Variants in DPYD observed in about 807,000 individuals in gnomAD.
The protein encoded by DPYD is dihydropyrimidine dehydrogenase.
In DPYD, 109 loss-of-function variants were observed where a neutral mutation model predicts 116.2. That is an observed-to-expected ratio of 0.94 (90% CI 0.80 to 1.10). DPYD has a LOEUF of 1.10. Ranked by LOEUF, DPYD falls within the 50% of genes least tolerant of loss-of-function variation. The pLI is 0.00. For missense variants in DPYD, 1,302 were observed against 1,254.5 expected, an observed-to-expected ratio of 1.04 and a Z score of -0.57; for synonymous variants, 440 against 432.0, an observed-to-expected ratio of 1.02 and a Z score of -0.23.
intron 16 of DPYD, among the ~76,000 whole-genome samples, chr1:97,342,233 A>G (rs964645276): frequency 2.0e-5 from 3 of 152,200 alleles, no homozygotes; most frequent in African/African-American, 4.8e-5. Flanking sequence ...ACTTAAATAC[A>G]TGATCTTGTC....
intron 13 of DPYD, among the ~76,000 whole-genome samples, chr1:97,474,838 T>A (rs1475579806): frequency 6.6e-6 from 1 of 152,012 alleles, no homozygotes; most frequent in East Asian, 1.9e-4. Context: ...ATTCTATAAT[T>A]AATAAAATGC....
At chr1:97,227,276 G>A (rs1224046813) in intron 19 of DPYD, among the ~76,000 whole-genome samples, 5 of 136,548 alleles carry the variant, frequency 3.7e-5, no homozygotes, top group Admixed American at 2.4e-4. Flanking sequence ...GCAGTGAGCC[G>A]AGATCGTGCC....
intron 3 of DPYD, among the ~76,000 whole-genome samples, chr1:97,748,427 T>C (rs1323181118): frequency 6.6e-6 from 1 of 151,996 alleles, no homozygotes; most frequent in Non-Finnish European, 1.5e-5. Flanking sequence ...GCTAACACGG[T>C]GAAACCCCAT....
At chr1:97,692,598 A>C (rs2100952876) in intron 6 of DPYD, among the ~76,000 whole-genome samples, 1 of 152,332 alleles carries the variant, frequency 6.6e-6, no homozygotes, top group South Asian at 2.1e-4. Flanking sequence ...TCACCTACTC[A>C]TTAAAAGTGA....
chr1:97,793,972 C>T (rs1280880448), intron 3 of DPYD, among the ~76,000 whole-genome samples: 2 of 152,120 alleles, frequency 1.3e-5, no homozygotes, highest in African/African-American at 2.4e-5. Flanking sequence ...GGTGTCACTC[C>T]AGTCGCCCAA....
At chr1:97,659,858 C>T (rs992593834) in intron 8 of DPYD, among the ~76,000 whole-genome samples, 2 of 152,092 alleles carry the variant, frequency 1.3e-5, no homozygotes, top group African/African-American at 4.8e-5. Context: ...TTCCACCTTA[C>T]TGTATATGAG....
chr1:97,203,483 TG>T (rs1412829023), intron 19 of DPYD, among the ~76,000 whole-genome samples: 2 of 652 alleles, frequency 3.1e-3, no homozygotes, highest in East Asian at 0.091. Context: ...TGTTGTGGGG[TG>T]GGGGGAGGTG....
At chr1:97,461,561 G>T (rs911258579) in intron 13 of DPYD, among the ~76,000 whole-genome samples, 1 of 152,102 alleles carries the variant, frequency 6.6e-6, no homozygotes, top group African/African-American at 2.4e-5. Context: ...TTTCTGCCAA[G>T]AATCTATGAA....
At chr1:97,131,822 G>GA (rs981530710) in intron 20 of DPYD, among the ~76,000 whole-genome samples, 58 of 151,880 alleles carry the variant, frequency 3.8e-4, no homozygotes, top group African/African-American at 1.3e-3. Context: ...CAGCAATGAA[G>GA]AAAAAAAGAT....
At chr1:97,508,196 C>A (rs1016178458) in intron 13 of DPYD, among the ~76,000 whole-genome samples, 1 of 151,926 alleles carries the variant, frequency 6.6e-6, no homozygotes, top group Non-Finnish European at 1.5e-5. Context: ...AAAAAAACAA[C>A]CAATGTAATG....
intron 3 of DPYD, among the ~76,000 whole-genome samples, chr1:97,778,298 A>T (rs1357639614): frequency 6.6e-6 from 1 of 151,850 alleles, no homozygotes; most frequent in Non-Finnish European, 1.5e-5. Flanking sequence ...AAAACATCTC[A>T]AAATTTAGAA....
chr1:97,166,363 A>G (rs576903640), intron 20 of DPYD, among the ~76,000 whole-genome samples: 3 of 152,240 alleles, frequency 2.0e-5, no homozygotes, highest in Non-Finnish European at 4.4e-5. Context: ...GGAGCTAAAG[A>G]ATGAGAACAC....
At chr1:97,601,187 G>A (rs1378521313) in intron 8 of DPYD, among the ~76,000 whole-genome samples, 2 of 152,020 alleles carry the variant, frequency 1.3e-5, no homozygotes, top group African/African-American at 2.4e-5. Flanking sequence ...CTTGATTTTA[G>A]AATGCAGACA....
At chr1:97,122,478 G>C (rs1165004244) in intron 20 of DPYD, among the ~76,000 whole-genome samples, 1 of 152,094 alleles carries the variant, frequency 6.6e-6, no homozygotes, top group Non-Finnish European at 1.5e-5. Flanking sequence ...GAATATTCTA[G>C]AATAAAGAGT....
intron 16 of DPYD, among the ~76,000 whole-genome samples, chr1:97,323,246 T>G (rs1476787806): frequency 9.4e-6 from 1 of 106,380 alleles, no homozygotes; most frequent in Non-Finnish European, 2.2e-5. Flanking sequence ...GTATACACAT[T>G]TATATACTTA....
At chr1:97,817,695 C>A (rs2101428172) in intron 3 of DPYD, among the ~76,000 whole-genome samples, 1 of 152,024 alleles carries the variant, frequency 6.6e-6, no homozygotes, top group African/African-American at 2.4e-5. Context: ...AACATGTAAA[C>A]CACTAATTTT....
chr1:97,323,299 T>TGTATACATACGTGTAC (rs1668433431), intron 16 of DPYD, among the ~76,000 whole-genome samples: 1 of 147,522 alleles, frequency 6.8e-6, no homozygotes, highest in African/African-American at 2.5e-5. Flanking sequence ...CATATGTGTA[T>TGTATACATACGTGTAC]ATGTACACGT....
intron 4 of DPYD, among the ~76,000 whole-genome samples, chr1:97,729,302 A>G (rs746581686): frequency 7.9e-5 from 12 of 152,224 alleles, no homozygotes; most frequent in African/African-American, 2.9e-4. Context: ...GGGAAATGTC[A>G]TATCTCTCAG....
intron 15 of DPYD, among the ~76,000 whole-genome samples, chr1:97,381,163 TTA>T (rs1298154135): frequency 6.6e-6 from 1 of 152,124 alleles, no homozygotes; most frequent in Non-Finnish European, 1.5e-5. Flanking sequence ...TTCTTTTTAT[TTA>T]TGTTTTTGCT....
Sources: allele counts gnomAD v4.1 joint callset (sites outside exome capture counted in the v4.1 genomes callset), GRCh38; gene constraint gnomAD v4.1.1; transcripts MANE v1.5; gene names NCBI Gene and HGNC (gene_info 2026-07-23, HGNC 2026-07-21).